Variants in CFB observed in about 807,000 individuals in gnomAD.
CFB encodes the protein complement factor B.
A neutral mutation model predicts 97.2 loss-of-function variants in CFB; 59 were observed. That is an observed-to-expected ratio of 0.61 (90% CI 0.49 to 0.75). The LOEUF (loss-of-function observed/expected upper bound fraction) is 0.75. Among genes scored for constraint, CFB ranks in the 30% least tolerant of loss-of-function variants. The pLI is 0.00. For missense variants in CFB, 771 were observed against 959.8 expected, an observed-to-expected ratio of 0.80 and a Z score of 2.60; for synonymous variants, 316 against 351.7, an observed-to-expected ratio of 0.90 and a Z score of 1.14.
In CFB at chr6:31,947,602, T is replaced by C; in HGVS notation, c.658+81T>C. ...CTCTCCCCACCTCAACCCTGCTCTTTCCTCACTTTGTTTAAACCTCCCTGT... is the reference window on the plus strand; with the variant it reads ...CTCTCCCCACCTCAACCCTGCTCTTCCCTCACTTTGTTTAAACCTCCCTGT... On this transcript the variant is annotated intron_variant, in intron 4 of 17. Coordinates refer to ENST00000425368, the MANE Select transcript of CFB (RefSeq NM_001710.6). The surrounding 1 kb of genome is among the most constrained non-coding windows in gnomAD (Gnocchi z 5.3). 1 of 1,600,408 alleles carries C rather than the reference T, an allele frequency of 6.2e-7. No homozygotes were observed. The highest frequency in any genetic ancestry group is 8.6e-7 in the Non-Finnish European group (1 of 1,169,008).
At chr6:31,949,028 C>T in intron 8 of CFB, 67 bp downstream of exon 8, 1 of 1,606,036 alleles carries the variant, frequency 6.2e-7, no homozygotes, top group Non-Finnish European at 8.5e-7. Flanking sequence ...GCCCTTAAGT[C>T]CACTTGTAAC....
Position 31,948,819 on chromosome 6 carries a change from C to CCT in CFB, c.1037-7_1037-6dup. 1 of 1,612,986 alleles carries CCT rather than the reference C, an allele frequency of 6.2e-7. No homozygotes were observed. Among genetic ancestry groups the CCT allele is most frequent in the Non-Finnish European group, 8.5e-7 (1 of 1,180,018 alleles). On this transcript the variant is annotated splice_polypyrimidine_tract_variant and intron_variant, in intron 7 of 17. Coordinates refer to ENST00000425368, the MANE Select transcript of CFB (RefSeq NM_001710.6). ...GACCAGGTGAGGTGATGGTCTCTTCCCTCTCCACAGACCACAAGTTGAAGT... is the reference window on the plus strand; with the variant it reads ...GACCAGGTGAGGTGATGGTCTCTTCCCTCTCTCCACAGACCACAAGTTGAAGT...
rs1407547621 is a variant in CFB at position 31,950,664 on chromosome 6, C to A, written c.1670C>A (p.Pro557His). 6.2e-7 allele frequency: 1 copy of A among 1,613,012 alleles called. No homozygotes were observed. The highest frequency in any genetic ancestry group is 8.5e-7 in the Non-Finnish European group (1 of 1,180,030). The change falls in exon 13 of 18, where the codon CCC becomes CAC. Residue 557 changes from proline (P) to histidine (H), a missense_variant. Physicochemically the swap from Pro to His is moderately conservative, Grantham distance 77. Transcript: ENST00000425368. Reference sequence around the variant, plus strand: ...GAGATAGAAGTAGTCCTATTTCACCCCAACTACAACATTAATGGGAAAAAA... The same window carrying A: ...GAGATAGAAGTAGTCCTATTTCACCACAACTACAACATTAATGGGAAAAAA... ...DLEIEVVLFH[P>H]NYNINGKKEA...
Position 31,946,861 on chromosome 6 carries a change from A to G in CFB, c.299-146A>G. 1.1e-6 allele frequency: 1 copy of G among 869,618 alleles called. No individual in the cohort carries two copies. The highest frequency in any genetic ancestry group is 1.9e-6 in the Non-Finnish European group (1 of 533,994). 53.9% of individuals were successfully genotyped at this position (869,618 alleles called of 1,614,324 possible). A position where few individuals can be genotyped will look rare whatever the true frequency, so the allele number is the denominator to read the frequency against. On this transcript the variant is annotated intron_variant, in intron 2 of 17. Transcript: ENST00000425368. This position sits in a 1 kb window ranked among gnomAD's most constrained non-coding sequence, Gnocchi z 6.4. ...GGGGAGGGAGAAGCAGTGGAAATCC[A>G]TATGGGTTGAGGAGTAGGTAAGATG...
At chr6:31,950,485 C>T in intron 12 of CFB, 82 bp downstream of exon 12, 2 of 1,559,562 alleles carry the variant, frequency 1.3e-6, no homozygotes, top group Non-Finnish European at 1.8e-6. Flanking sequence ...CTACACTCCA[C>T]CCATCCTCAA....
intron 8 of CFB, 57 bp downstream of exon 8, chr6:31,949,018 G>C: frequency 6.2e-7 from 1 of 1,610,852 alleles, no homozygotes; most frequent in South Asian, 1.1e-5. Context: ...CCAGCATGTG[G>C]CCCTTAAGTC....
At chr6:31,948,727 T>G in intron 7 of CFB, 103 bp from the exon 8 acceptor site, 1 of 1,596,842 alleles carries the variant, frequency 6.3e-7, no homozygotes, top group Non-Finnish European at 8.6e-7. Context: ...GATGATTAAC[T>G]TAAAAAGTTG....
intron 12 of CFB, 83 bp from the exon 13 acceptor site, chr6:31,950,536 G>C (rs749285592): frequency 6.3e-7 from 1 of 1,599,296 alleles, no homozygotes; most frequent in African/African-American, 1.3e-5. Context: ...TCAGGGATGG[G>C]GGAAGACGTG....
chr6:31,949,657 C>G, intron 10 of CFB, 100 bp downstream of exon 10: 1 of 1,412,900 alleles, frequency 7.1e-7, no homozygotes, highest in South Asian at 1.2e-5. Context: ...CCTGGAAAGC[C>G]TTCTTCATTC....
chr6:31,950,301 C>T lies in CFB; in HGVS notation c.1522C>T (p.His508Tyr), dbSNP rs1378554389. 6.8e-6 allele frequency: 11 copies of T among 1,613,030 alleles called. No homozygotes were observed. Among genetic ancestry groups the T allele is most frequent in the Non-Finnish European group, 9.3e-6 (11 of 1,179,992 alleles). The change falls in exon 12 of 18, where the codon CAC becomes TAC. Residue 508 changes from histidine (H) to tyrosine (Y), a missense_variant. By Grantham distance (83) the His-to-Tyr change is moderately conservative (BLOSUM62 2). Coordinates refer to ENST00000425368, the MANE Select transcript of CFB (RefSeq NM_001710.6). ...KISVIRPSKG[H>Y]ESCMGAVVSE... ...GTGTCCCCAGCGCCCTTCAAAGGGA[C>T]ACGAGAGCTGTATGGGGGCTGTGGT...
rs1771505258 is a variant in CFB at position 31,947,450 on chromosome 6, C to T, written c.587C>T (p.Thr196Ile). 1 of 1,612,898 alleles carries T rather than the reference C, an allele frequency of 6.2e-7. No individual in the cohort carries two copies. The highest frequency in any genetic ancestry group is 1.3e-5 in the African/African-American group (1 of 74,912). The change falls in exon 4 of 18, where the codon ACC (threonine) becomes ATC (isoleucine). Residue 196 changes from threonine to isoleucine, a missense_variant. By Grantham distance (89) the Thr-to-Ile change is moderately conservative. Coordinates refer to ENST00000425368, the MANE Select transcript of CFB (RefSeq NM_001710.6). This position sits in a 1 kb window ranked among gnomAD's most constrained non-coding sequence, Gnocchi z 5.3. ...SVTYHCSRGL[T>I]LRGSQRRTCQ... ...ACCTACCACTGCAGCCGGGGGCTTA[C>T]CCTGCGTGGCTCCCAGCGGCGAACG...
chr6:31,951,713 T>A lies in CFB; in HGVS notation c.2139+109T>A. On this transcript the variant is annotated intron_variant, in intron 17 of 17. Transcript: ENST00000425368. The surrounding 1 kb of genome is among the most constrained non-coding windows in gnomAD (Gnocchi z 4.3). ...TAATTCGAGGTAGGCAGAGCCTGCC[T>A]CACCTTAGGACCGCATGTCTTGCCT... 1 of 1,572,150 alleles carries A rather than the reference T, an allele frequency of 6.4e-7. No individual in the cohort carries two copies. Among genetic ancestry groups the A allele is most frequent in the Non-Finnish European group, 8.8e-7 (1 of 1,142,170 alleles).
chr6:31,948,676 C>T (rs1042220211), intron 7 of CFB, among the ~76,000 whole-genome samples, 154 bp from the exon 8 acceptor site: 1 of 152,008 alleles, frequency 6.6e-6, no homozygotes, highest in Non-Finnish European at 1.5e-5. Context: ...CTGTTGGGGG[C>T]TGGAAGGGCC....
At position 31,950,328 on chromosome 6, in the gene CFB, T is replaced by A. The variant is rs751222006; in HGVS notation, c.1549T>A (p.Ser517Thr). ...GHESCMGAVV[S>T]EYFVLTAAHC... ...CGAGAGCTGTATGGGGGCTGTGGTG[T>A]CTGAGTACTTTGTGCTGACAGCAGC... Residue 517 changes from serine to threonine, a missense_variant, in exon 12 of 18, where the codon TCT becomes ACT. Coordinates refer to ENST00000425368, the MANE Select transcript of CFB (RefSeq NM_001710.6). 6.2e-7 allele frequency: 1 copy of A among 1,613,088 alleles called. No homozygotes were observed. The highest frequency in any genetic ancestry group is 1.1e-5 in the South Asian group (1 of 91,082).
chr6:31,950,278 G>C lies in CFB; in HGVS notation c.1507-8G>C. On this transcript the variant is annotated splice_polypyrimidine_tract_variant and splice_region_variant and intron_variant, in intron 11 of 17. Transcript: ENST00000425368. ...TTGAGCTTTCCCTCTCTACTGTTGT[G>C]TCCCCAGCGCCCTTCAAAGGGACAC... is the stretch of plus-strand genomic sequence containing the variant. 6.2e-7 allele frequency: 1 copy of C among 1,612,374 alleles called. No homozygotes were observed. The highest frequency in any genetic ancestry group is 8.5e-7 in the Non-Finnish European group (1 of 1,179,416).
In CFB at chr6:31,950,040, T is replaced by C. The variant is rs2151785959; in HGVS notation, c.1409-10T>C. On this transcript the variant is annotated splice_polypyrimidine_tract_variant and intron_variant, in intron 10 of 17. Coordinates refer to ENST00000425368, the MANE Select transcript of CFB (RefSeq NM_001710.6). ...TTCCGAGTTTTCAGCACATTCTCCT[T>C]CTCTGCCAGATGAAAGCCAGTCTCT... 1.2e-6 allele frequency: 2 copies of C among 1,612,806 alleles called. No homozygotes were observed. Among genetic ancestry groups the C allele is most frequent in the Non-Finnish European group, 1.7e-6 (2 of 1,179,848 alleles).
rs771728020 is a variant in CFB at position 31,952,062 on chromosome 6, G to T, written c.*32G>T. ...TCCTGCTGGACAGGGGCGTGGGATT[G>T]AATTAAAACAGCTGCGACAACACCT... On this transcript the variant is annotated 3_prime_UTR_variant, in exon 18 of 18. Transcript: ENST00000425368. 8 of 1,610,928 alleles carry T rather than the reference G, an allele frequency of 5.0e-6. No homozygotes were observed. In the African/African-American group the frequency reaches 1.1e-4, roughly 22 times the overall value.
At position 31,950,384 on chromosome 6, in the gene CFB, C is replaced by T. The variant is rs779415434; in HGVS notation, c.1605C>T (p.His535=). ...AHCFTVDDKE[H]SIKVSVGGEK... ...GTTTCACTGTGGATGACAAGGAACA[C>T]TCAATCAAGGTCAGCGTAGGTAAGG... Residue 535 remains histidine, a synonymous_variant, in exon 12 of 18, where the codon CAC becomes CAT. Coordinates refer to ENST00000425368, the MANE Select transcript of CFB (RefSeq NM_001710.6). 9.9e-6 allele frequency: 16 copies of T among 1,612,836 alleles called. No individual in the cohort carries two copies. The highest frequency in any genetic ancestry group is 1.4e-5 in the Non-Finnish European group (16 of 1,180,008).
rs750266296 is a variant in CFB at position 31,947,035 on chromosome 6, C to G, written c.327C>G (p.Phe109Leu). 6.2e-7 allele frequency: 1 copy of G among 1,612,974 alleles called. No individual in the cohort carries two copies. The highest frequency in any genetic ancestry group is 8.5e-7 in the Non-Finnish European group (1 of 1,180,014). ...RAIHCPRPHDFENGEYWPRSP... is the reference protein window; with the variant it reads ...RAIHCPRPHDLENGEYWPRSP... ...TCCACTGTCCAAGACCACACGACTT[C>G]GAGAACGGGGAATACTGGCCCCGGT... The change falls in exon 3 of 18, where the codon TTC (phenylalanine) becomes TTG (leucine). Residue 109 changes from phenylalanine to leucine, a missense_variant. Physicochemically the swap from Phe to Leu is conservative, Grantham distance 22. Transcript: ENST00000425368. The surrounding 1 kb of genome is among the most constrained non-coding windows in gnomAD (Gnocchi z 5.3).
Sources: allele counts gnomAD v4.1 joint callset (sites outside exome capture counted in the v4.1 genomes callset), GRCh38; gene constraint gnomAD v4.1.1; non-coding constraint Gnocchi (gnomAD v3.1); transcripts MANE v1.5; gene names NCBI Gene and HGNC (gene_info 2026-07-23, HGNC 2026-07-21).